Variants in HK2 observed in about 807,000 individuals in gnomAD.
HK2 encodes the protein hexokinase-2.
A neutral mutation model predicts 92.9 loss-of-function variants in HK2; 42 were observed. The ratio of observed to expected loss-of-function variants is 0.45; its 90% CI spans 0.35 to 0.58. The LOEUF is 0.58. Ranked by LOEUF, HK2 falls within the 20% of genes least tolerant of loss-of-function variation. The pLI is 0.00. For synonymous variants in HK2, 422 were observed against 468.0 expected (o/e 0.90, Z 1.27); for missense variants, 978 against 1,245.1 (o/e 0.79, Z 3.23).
intron 1 of HK2, among the ~76,000 whole-genome samples, chr2:74,838,521 ATG>A (rs1258958642): frequency 6.7e-6 from 1 of 150,144 alleles, no homozygotes; most frequent in Non-Finnish European, 1.5e-5. Flanking sequence ...CTATGGAGAG[ATG>A]GAAGATTCTT....
intron 1 of HK2, among the ~76,000 whole-genome samples, chr2:74,840,599 G>A (rs1260180779): frequency 6.6e-6 from 1 of 151,138 alleles, no homozygotes; most frequent in Non-Finnish European, 1.5e-5. Flanking sequence ...CGGGCGCGGT[G>A]GCTCACGCCT....
chr2:74,863,125 T>A (rs1361697853), intron 2 of HK2, among the ~76,000 whole-genome samples: 1 of 152,212 alleles, frequency 6.6e-6, no homozygotes, highest in Non-Finnish European at 1.5e-5. Context: ...CTGGCACGTA[T>A]TTTGAGCTTA....
At chr2:74,858,107 A>G (rs1025642544) in intron 2 of HK2, among the ~76,000 whole-genome samples, 2 of 152,230 alleles carry the variant, frequency 1.3e-5, no homozygotes, top group East Asian at 1.9e-4. Context: ...TTTCTGGGCT[A>G]TATCTTCACA....
intron 12 of HK2, among the ~76,000 whole-genome samples, chr2:74,884,800 G>A (rs1182430613): frequency 6.6e-6 from 1 of 152,316 alleles, no homozygotes; most frequent in South Asian, 2.1e-4. Context: ...AAAACCCAAA[G>A]CATTTCTCCC....
chr2:74,855,778 C>T (rs1688681859), intron 2 of HK2, among the ~76,000 whole-genome samples: 1 of 152,032 alleles, frequency 6.6e-6, no homozygotes, highest in African/African-American at 2.4e-5. Context: ...GGGAGCGAGG[C>T]CCAGCTGGTA....
chr2:74,882,090 C>A, intron 11 of HK2, 30 bp from the exon 12 acceptor site: 1 of 1,612,040 alleles, frequency 6.2e-7, no homozygotes, highest in East Asian at 2.2e-5. Context: ...CCCAGGGCCC[C>A]TCCCTCAGTG....
intron 17 of HK2, 104 bp downstream of exon 17, chr2:74,889,582 A>C: frequency 1.2e-6 from 1 of 818,684 alleles, no homozygotes; most frequent in South Asian, 1.5e-5. Context: ...ATTATCAGCC[A>C]TTCCAAATAG....
chr2:74,856,438 C>T (rs144638166), intron 2 of HK2, among the ~76,000 whole-genome samples: 1 of 152,234 alleles, frequency 6.6e-6, no homozygotes, highest in Non-Finnish European at 1.5e-5. Flanking sequence ...CTTCCATGTC[C>T]TCTAGATTGG....
intron 1 of HK2, among the ~76,000 whole-genome samples, chr2:74,841,646 C>G (rs1688317974): frequency 6.6e-6 from 1 of 152,202 alleles, no homozygotes; most frequent in South Asian, 2.1e-4. Flanking sequence ...CAGCAGTCTG[C>G]AGATGCCCAC....
chr2:74,838,397 CTT>C (rs1212370995), intron 1 of HK2, among the ~76,000 whole-genome samples: 1 of 152,140 alleles, frequency 6.6e-6, no homozygotes, highest in African/African-American at 2.4e-5. Context: ...GCAGTTATCT[CTT>C]CATCCAAAGC....
chr2:74,872,748 T>C (rs1689127533), intron 4 of HK2, among the ~76,000 whole-genome samples: 1 of 152,208 alleles, frequency 6.6e-6, no homozygotes, highest in Non-Finnish European at 1.5e-5. Flanking sequence ...GAGTTAATGA[T>C]GTAAGGACAC....
At chr2:74,887,684 C>T (rs922884708) in intron 15 of HK2, among the ~76,000 whole-genome samples, 1 of 152,002 alleles carries the variant, frequency 6.6e-6, no homozygotes, top group Non-Finnish European at 1.5e-5. Flanking sequence ...GCCCCACGGG[C>T]CTCGGGCACT....
At chr2:74,872,571 G>C (rs576689820) in intron 4 of HK2, 152 bp downstream of exon 4, 10 of 628,862 alleles carry the variant, frequency 1.6e-5, no homozygotes, top group Admixed American at 1.5e-4. Context: ...TATGTCGATG[G>C]GGGGGCTGGT....
chr2:74,874,382 C>G lies in HK2; in HGVS notation c.808C>G (p.Leu270Val). 1.2e-6 allele frequency: 2 copies of G among 1,613,752 alleles called. No homozygotes were observed. The highest frequency in any genetic ancestry group is 2.2e-5 in the South Asian group (2 of 91,008). The change falls in exon 7 of 18, where the codon CTC (leucine) becomes GTC (valine). Residue 270 changes from leucine (L) to valine (V), a missense_variant. Leu to Val is a conservative substitution (Grantham distance 32). Around this residue, in one of 3 missense-constraint regions of HK2, gnomAD observed 742 missense variants for 922.5 expected, o/e 0.80. Coordinates refer to ENST00000290573, the MANE Select transcript of HK2 (RefSeq NM_000189.5). ...EWGAFGDDGS[L>V]NDIRTEFDQE... ...GGGGGCCTTCGGGGACGATGGCTCGCTCAACGACATTCGCACTGAGTTTGA... is the reference window on the plus strand; with the variant it reads ...GGGGGCCTTCGGGGACGATGGCTCGGTCAACGACATTCGCACTGAGTTTGA...
At chr2:74,874,234 G>A (rs1195013309) in intron 6 of HK2, 32 bp from the exon 7 acceptor site, 1 of 1,613,682 alleles carries the variant, frequency 6.2e-7, no homozygotes, top group East Asian at 2.2e-5. Flanking sequence ...GGCCGGAGCA[G>A]GCGTGTGCAT....
chr2:74,837,819 G>A (rs1350697037), intron 1 of HK2, among the ~76,000 whole-genome samples: 1 of 151,968 alleles, frequency 6.6e-6, no homozygotes, highest in East Asian at 1.9e-4. Flanking sequence ...GGGATTACAG[G>A]CGTGCGCCAC....
In HK2 at chr2:74,854,452, A is replaced by G. The variant is rs753182125; in HGVS notation, c.223A>G (p.Thr75Ala). The part of the protein sequence containing the change: ...PTFVRSTPDG[T>A]EHGEFLALDL... Reference sequence around the variant, plus strand: ...CTTTGTGAGGTCCACTCCAGATGGGACAGGTACTGCATCTGGGGGATGGCT... The same window carrying G: ...CTTTGTGAGGTCCACTCCAGATGGGGCAGGTACTGCATCTGGGGGATGGCT... Residue 75 changes from threonine to alanine, a missense_variant, in exon 2 of 18, where the codon ACA (threonine) becomes GCA (alanine). Thr to Ala is a moderately conservative substitution (Grantham distance 58, BLOSUM62 0). Transcript: ENST00000290573. 6.2e-7 allele frequency: 1 copy of G among 1,614,152 alleles called. No homozygotes were observed. The highest frequency in any genetic ancestry group is 8.5e-7 in the Non-Finnish European group (1 of 1,179,988).
chr2:74,872,848 G>A (rs538688708), intron 4 of HK2, among the ~76,000 whole-genome samples: 2 of 152,316 alleles, frequency 1.3e-5, no homozygotes, highest in South Asian at 2.1e-4. Flanking sequence ...ATCATAGAGT[G>A]CACTTACACA....
In HK2 at chr2:74,850,608, C is replaced by A. The variant is rs376158974; in HGVS notation, c.64-3685C>A. ...CTGTGTGTACATCTGCTATCACCTG[C>A]TTGGCTTTCTCCTTTGACTTTGGGC... On this transcript the variant is annotated intron_variant, in intron 1 of 17. Coordinates refer to ENST00000290573, the MANE Select transcript of HK2 (RefSeq NM_000189.5). Among the ~76,000 whole-genome samples, 2 of 152,324 alleles carry A rather than the reference C, an allele frequency of 1.3e-5. 1 individual carries two copies.
Sources: allele counts gnomAD v4.1 joint callset (sites outside exome capture counted in the v4.1 genomes callset), GRCh38; gene constraint gnomAD v4.1.1; regional missense constraint gnomAD v4.1.1; transcripts MANE v1.5; gene names NCBI Gene and HGNC (gene_info 2026-07-23, HGNC 2026-07-21).